NUP107: variants seen among roughly 807,000 people sequenced by gnomAD.
NUP107 encodes nuclear pore complex protein Nup107.
A neutral mutation model predicts 141.0 loss-of-function variants in NUP107; 101 were observed. The ratio of observed to expected loss-of-function variants is 0.72; its 90% CI spans 0.61 to 0.84. The LOEUF is 0.84. Among genes scored for constraint, NUP107 ranks in the 40% least tolerant of loss-of-function variants. The pLI is 0.00. For missense variants in NUP107, 941 were observed against 1,102.7 expected (o/e 0.85, Z 2.08); for synonymous variants, 319 against 363.9 (o/e 0.88, Z 1.41).
At chr12:68,707,785 G>T (rs1468796431) in intron 8 of NUP107, among the ~76,000 whole-genome samples, 1 of 152,088 alleles carries the variant, frequency 6.6e-6, no homozygotes, top group Non-Finnish European at 1.5e-5. Flanking sequence ...AGGTCCAATA[G>T]AGATGATTTA....
At chr12:68,732,325 G>A (rs889551986) in intron 22 of NUP107, among the ~76,000 whole-genome samples, 8 of 152,058 alleles carry the variant, frequency 5.3e-5, no homozygotes, top group African/African-American at 1.9e-4. Flanking sequence ...TTGTAGAGAA[G>A]GGGTTTTGCC....
chr12:68,689,933 C>T (rs923914051), intron 3 of NUP107: 6 of 203,856 alleles, frequency 2.9e-5, no homozygotes, highest in African/African-American at 9.4e-5. Flanking sequence ...ATAATCTCAA[C>T]ACTTTGGGAG....
At chr12:68,689,765 C>G (rs1875689974) in intron 3 of NUP107, 146 bp downstream of exon 3, 1 of 617,060 alleles carries the variant, frequency 1.6e-6, no homozygotes, top group African/African-American at 1.9e-5. Flanking sequence ...CGTTTGAACT[C>G]TTGCCATGTA....
Position 68,689,027 on chromosome 12 carries a change from A to G in NUP107, c.74A>G (p.Lys25Arg). ...REAEVTRTAR[K>R]QSAQKRVLLQ... Reference sequence around the variant, plus strand: ...GCAGAGGTGACACGGACTGCACGGAAACAGAGTGCTCAGAAAAGAGTTTTA... The same window carrying G: ...GCAGAGGTGACACGGACTGCACGGAGACAGAGTGCTCAGAAAAGAGTTTTA... Residue 25 changes from lysine to arginine, a missense_variant, in exon 2 of 28, where the codon AAA becomes AGA. Coordinates refer to ENST00000229179, the MANE Select transcript of NUP107 (RefSeq NM_020401.4). 2.5e-6 allele frequency: 4 copies of G among 1,613,344 alleles called. No homozygotes were observed. The highest frequency in any genetic ancestry group is 3.4e-6 in the Non-Finnish European group (4 of 1,179,458).
At chr12:68,725,838 T>TGG (rs1555178663) in intron 18 of NUP107, 42 bp downstream of exon 18, 1 of 402,010 alleles carries the variant, frequency 2.5e-6, no homozygotes, top group African/African-American at 6.9e-5. Flanking sequence ...TTTGTGTGTG[T>TGG]TTTTTTTTTT....
chr12:68,740,664 T>A (rs896565818), intron 26 of NUP107, among the ~76,000 whole-genome samples: 1 of 152,094 alleles, frequency 6.6e-6, no homozygotes, highest in Non-Finnish European at 1.5e-5. Flanking sequence ...AAAGGAGCAG[T>A]TATTATTTTA....
intron 8 of NUP107, chr12:68,706,139 C>A: frequency 1.3e-6 from 1 of 766,362 alleles, no homozygotes. Flanking sequence ...TGATAACATG[C>A]AGGGGCTGGT....
chr12:68,723,551 G>A (rs940509195), intron 17 of NUP107, among the ~76,000 whole-genome samples: 6 of 152,040 alleles, frequency 3.9e-5, no homozygotes, highest in African/African-American at 9.7e-5. Flanking sequence ...AGCCAAGATC[G>A]CAACGTTGCA....
At chr12:68,724,802 A>C (rs935867166) in intron 17 of NUP107, among the ~76,000 whole-genome samples, 9 of 152,094 alleles carry the variant, frequency 5.9e-5, no homozygotes, top group East Asian at 5.8e-4. Context: ...AACAAACAAA[A>C]AAAACCACAC....
Position 68,690,741 on chromosome 12 carries a change from T to C in NUP107, c.298T>C (p.Ser100Pro). 6.2e-7 allele frequency: 1 copy of C among 1,613,964 alleles called. No homozygotes were observed. Among genetic ancestry groups the C allele is most frequent in the South Asian group, 1.1e-5 (1 of 91,042 alleles). ...GTCTTCAGGGTTCTTTGGAAATCTC[T>C]CCATGGTATGTAGAAAAATAGGGCT... ...TQSSGFFGNL[S>P]MVTNLDDSNW... is the part of the protein sequence containing the mutation. The change falls in exon 4 of 28, where the codon TCC becomes CCC. Residue 100 changes from serine to proline, a missense_variant. By Grantham distance (74) the Ser-to-Pro change is moderately conservative. Coordinates refer to ENST00000229179, the MANE Select transcript of NUP107 (RefSeq NM_020401.4).
At chr12:68,726,033 C>T (rs1038924313) in intron 18 of NUP107, among the ~76,000 whole-genome samples, 2 of 151,836 alleles carry the variant, frequency 1.3e-5, no homozygotes, top group Admixed American at 6.6e-5. Context: ...GACGGGGTTT[C>T]GCTGTTGGCC....
chr12:68,709,953 C>A, intron 9 of NUP107, 52 bp from the exon 10 acceptor site: 1 of 1,056,122 alleles, frequency 9.5e-7, no homozygotes, highest in South Asian at 1.3e-5. Flanking sequence ...ACAAATAAAA[C>A]ACAAATAGAT....
At position 68,745,214 on chromosome 12, in the gene NUP107, C is replaced by T. The variant is rs1468151892; in HGVS notation, c.*2752C>T. 6.6e-6 allele frequency: 1 copy of T among 152,214 alleles called. No homozygotes were observed. Among genetic ancestry groups the T allele is most frequent in the Non-Finnish European group, 1.5e-5 (1 of 68,038 alleles). The allele number at this position is 152,214 out of a possible 1,614,324, so 9.4% of individuals were successfully genotyped here. A position where few individuals can be genotyped will look rare whatever the true frequency, so the allele number is the denominator to read the frequency against. ...TACAGGCCCACGCCACCATGCCCTA[C>T]TTCCTCATTTATTTTAAATTTTTTG... On this transcript the variant is annotated 3_prime_UTR_variant, in exon 28 of 28. Transcript: ENST00000229179.
At chr12:68,706,494 G>A (rs1261951670) in intron 8 of NUP107, 13 of 690,758 alleles carry the variant, frequency 1.9e-5, no homozygotes, top group Middle Eastern at 3.7e-4. Flanking sequence ...AATATGAGGA[G>A]CTGCAGACGC....
intron 20 of NUP107, among the ~76,000 whole-genome samples, chr12:68,730,071 C>A (rs569903192): frequency 8.9e-4 from 135 of 151,928 alleles, no homozygotes; most frequent in African/African-American, 3.1e-3. Flanking sequence ...AAACAGTCTT[C>A]TCCCCTCAAC....
chr12:68,695,472 G>A (rs1484407694), intron 5 of NUP107, among the ~76,000 whole-genome samples: 1 of 152,142 alleles, frequency 6.6e-6, no homozygotes, highest in African/African-American at 2.4e-5. Context: ...GCTACAACAT[G>A]GATGAACCTT....
intron 8 of NUP107, chr12:68,706,478 A>C: frequency 1.4e-6 from 1 of 712,004 alleles, no homozygotes; most frequent in South Asian, 1.5e-5. Flanking sequence ...TGAGAGCATG[A>C]GATCAAATAT....
chr12:68,727,427 T>C, intron 20 of NUP107, 38 bp downstream of exon 20: 3 of 1,216,758 alleles, frequency 2.5e-6, no homozygotes, highest in Non-Finnish European at 3.5e-6. Flanking sequence ...TGTTTTTTAC[T>C]ATTTTAATGA....
At chr12:68,694,885 A>G (rs1875978493) in intron 5 of NUP107, among the ~76,000 whole-genome samples, 1 of 152,184 alleles carries the variant, frequency 6.6e-6, no homozygotes, top group African/African-American at 2.4e-5. Context: ...CTGGGCAACA[A>G]GAGCGAAACT....
Sources: gnomAD v4.1 joint callset for allele counts (sites outside exome capture counted in the v4.1 genomes callset) on GRCh38, gnomAD v4.1.1 for gene constraint, MANE v1.5 for transcripts, NCBI Gene and HGNC (gene_info 2026-07-23, HGNC 2026-07-21) for gene names.